Variants in RLF observed in about 807,000 individuals in gnomAD.
RLF encodes RLF zinc finger.
Under a neutral mutation model 162.9 loss-of-function variants are expected in RLF, and 7 were observed. The ratio of observed to expected loss-of-function variants is 0.04; its 90% CI spans 0.02 to 0.08. The LOEUF (loss-of-function observed/expected upper bound fraction) is 0.08, where lower values mean the gene tolerates loss of function less well. Among genes scored for constraint, RLF ranks in the 10% least tolerant of loss-of-function variants. The pLI, the probability that RLF is intolerant of heterozygous loss-of-function variation, is 1.00. For missense variants in RLF, 1,664 were observed against 2,244.7 expected (o/e 0.74, Z 5.23); for synonymous variants, 782 against 791.5 (o/e 0.99, Z 0.20).
At chr1:40,233,553 C>T (rs1384218613) in intron 7 of RLF, among the ~76,000 whole-genome samples, 2 of 152,112 alleles carry the variant, frequency 1.3e-5, no homozygotes, top group Non-Finnish European at 2.9e-5. Flanking sequence ...GTCAAGAGAC[C>T]CATGGTCTAG....
At chr1:40,202,354 C>T in intron 4 of RLF, 58 bp from the exon 5 acceptor site, 1 of 1,082,030 alleles carries the variant, frequency 9.2e-7, no homozygotes, top group Non-Finnish European at 1.3e-6. Context: ...TTCATCTTAG[C>T]AAGTCTGACA....
intron 1 of RLF, among the ~76,000 whole-genome samples, chr1:40,173,263 A>T (rs1354764858): frequency 2.0e-5 from 3 of 151,458 alleles, no homozygotes; most frequent in Non-Finnish European, 4.4e-5. Flanking sequence ...TTTAGTAGAG[A>T]TAGGGTTTCT....
intron 5 of RLF, among the ~76,000 whole-genome samples, chr1:40,209,712 C>T (rs1464842109): frequency 1.3e-5 from 2 of 152,000 alleles, no homozygotes; most frequent in Non-Finnish European, 2.9e-5. Flanking sequence ...CTTGTCTCTA[C>T]TAAAGATACA....
intron 5 of RLF, among the ~76,000 whole-genome samples, chr1:40,217,723 G>T (rs1009415176): frequency 1.3e-5 from 2 of 151,592 alleles, no homozygotes; most frequent in East Asian, 3.9e-4. Flanking sequence ...AGTGACCCGA[G>T]ATTGCGCCAC....
At position 40,196,083 on chromosome 1, in the gene RLF, T is replaced by C. The variant is rs578001185; in HGVS notation, c.607+319T>C. On this transcript the variant is annotated intron_variant, in intron 4 of 7. Coordinates refer to ENST00000372771, the MANE Select transcript of RLF (RefSeq NM_012421.4). The stretch of plus-strand genomic sequence containing the variant: ...TTTGCTTATACTTTTCTTTTCTTTT[T>C]TTTTTTTCCCGAGACGTTGTCTCGC... Among the ~76,000 whole-genome samples, 23 of 152,230 alleles carry C rather than the reference T, an allele frequency of 1.5e-4. 1 individual carries two copies. Among genetic ancestry groups the C allele is most frequent in the African/African-American group, 5.5e-4 (23 of 41,546 alleles).
chr1:40,166,978 A>G (rs748117316), intron 1 of RLF, among the ~76,000 whole-genome samples: 5 of 152,188 alleles, frequency 3.3e-5, no homozygotes, highest in African/African-American at 9.7e-5. Context: ...TGTTGTGCAC[A>G]TGTACCCTAG....
At chr1:40,169,432 G>C (rs1041730688) in intron 1 of RLF, among the ~76,000 whole-genome samples, 1 of 151,034 alleles carries the variant, frequency 6.6e-6, no homozygotes, top group Admixed American at 6.6e-5. Flanking sequence ...CTGGCTAACA[G>C]GGTGAAACCC....
chr1:40,190,123 T>C (rs926448043), intron 2 of RLF, among the ~76,000 whole-genome samples: 6 of 152,196 alleles, frequency 3.9e-5, no homozygotes. Context: ...TTTTACCTAT[T>C]GTAATCCCTA....
intron 5 of RLF, among the ~76,000 whole-genome samples, chr1:40,208,331 T>G (rs957408559): frequency 1.8e-4 from 27 of 152,234 alleles, no homozygotes; most frequent in African/African-American, 6.0e-4. Context: ...GCCTCATTAA[T>G]AAATGTTCTT....
At chr1:40,181,330 C>T (rs965861573) in intron 1 of RLF, among the ~76,000 whole-genome samples, 1 of 151,974 alleles carries the variant, frequency 6.6e-6, no homozygotes, top group South Asian at 2.1e-4. Context: ...CTTGGGAGAA[C>T]GAGACAGGAG....
At chr1:40,190,879 T>G (rs2124535995) in intron 3 of RLF, 26 bp downstream of exon 3, 2 of 1,502,568 alleles carry the variant, frequency 1.3e-6, no homozygotes, top group Non-Finnish European at 1.8e-6. Flanking sequence ...CTCAGAAAAG[T>G]TTTCTGTATC....
chr1:40,188,960 G>GA (rs1014728302), intron 1 of RLF, 95 bp from the exon 2 acceptor site: 109 of 778,978 alleles, frequency 1.4e-4, no homozygotes, highest in Admixed American at 3.0e-4. Context: ...GCATCTGTTA[G>GA]AAAAAAAATG....
chr1:40,173,233 C>T (rs571432188), intron 1 of RLF, among the ~76,000 whole-genome samples: 35 of 151,994 alleles, frequency 2.3e-4, no homozygotes, highest in African/African-American at 8.2e-4. Flanking sequence ...TGCGCCACCA[C>T]GCCCAGATAA....
At chr1:40,199,649 G>C (rs1169676436) in intron 4 of RLF, among the ~76,000 whole-genome samples, 1 of 152,174 alleles carries the variant, frequency 6.6e-6, no homozygotes, top group Non-Finnish European at 1.5e-5. Context: ...GAAGTAAAAT[G>C]CTGTGGGAAT....
At chr1:40,181,289 G>C (rs2124530749) in intron 1 of RLF, among the ~76,000 whole-genome samples, 1 of 152,246 alleles carries the variant, frequency 6.6e-6, no homozygotes, top group East Asian at 1.9e-4. Context: ...AATTAGCCAG[G>C]TGTGGTGGCT....
At chr1:40,179,242 A>G (rs1642373633) in intron 1 of RLF, among the ~76,000 whole-genome samples, 1 of 152,236 alleles carries the variant, frequency 6.6e-6, no homozygotes, top group Non-Finnish European at 1.5e-5. Flanking sequence ...GTTATCTGGT[A>G]ATTGATGGGG....
Position 40,237,285 on chromosome 1 carries a change from T to A in RLF, c.2583T>A (p.Thr861=), listed in dbSNP as rs765889754. 8 of 1,614,102 alleles carry A rather than the reference T, an allele frequency of 5.0e-6. No individual in the cohort carries two copies. Among genetic ancestry groups the A allele is most frequent in the Middle Eastern group, 1.6e-4 (1 of 6,062 alleles). The change falls in exon 8 of 8, where the codon ACT becomes ACA. Residue 861 remains threonine, a synonymous_variant. Coordinates refer to ENST00000372771, the MANE Select transcript of RLF (RefSeq NM_012421.4). The surrounding 1 kb of genome is among the most constrained non-coding windows in gnomAD (Gnocchi z 4.4). Reference sequence around the variant, plus strand: ...ATCAGCCCCATCTACTTAACCAAACTGATAAATCACATTTACCTGAAGATC... The same window carrying A: ...ATCAGCCCCATCTACTTAACCAAACAGATAAATCACATTTACCTGAAGATC... ...CINQPHLLNQ[T]DKSHLPEDLF...
At position 40,237,981 on chromosome 1, in the gene RLF, T is replaced by A; in HGVS notation, c.3279T>A (p.Ala1093=). The A allele has an allele frequency of 6.2e-7, 1 of 1,614,156 alleles. No homozygotes were observed. Among genetic ancestry groups the A allele is most frequent in the African/African-American group, 1.3e-5 (1 of 75,052 alleles). ...GSLQGYPSSG[A]KSLQSVSSIS... ...TGCAGGGGTACCCATCCAGTGGTGC[T>A]AAGTCTCTTCAGTCAGTTTCATCTA... The change falls in exon 8 of 8, where the codon GCT becomes GCA. Residue 1093 remains alanine, a synonymous_variant. Coordinates refer to ENST00000372771, the MANE Select transcript of RLF (RefSeq NM_012421.4). This position sits in a 1 kb window ranked among gnomAD's most constrained non-coding sequence, Gnocchi z 4.4.
chr1:40,217,589 C>T (rs1015351890), intron 5 of RLF, among the ~76,000 whole-genome samples: 5 of 151,800 alleles, frequency 3.3e-5, no homozygotes, highest in South Asian at 2.1e-4. Context: ...CTGGGCAACA[C>T]GGTGAAACCC....
Sources: allele counts gnomAD v4.1 joint callset (sites outside exome capture counted in the v4.1 genomes callset), GRCh38; gene constraint gnomAD v4.1.1; non-coding constraint Gnocchi (gnomAD v3.1); transcripts MANE v1.5; gene names NCBI Gene and HGNC (gene_info 2026-07-23, HGNC 2026-07-21).